Variants in AGFG2 observed in about 807,000 individuals in gnomAD.
The protein encoded by AGFG2 is ArfGAP with FG repeats 2.
A neutral mutation model predicts 48.0 loss-of-function variants in AGFG2; 31 were observed. That is an observed-to-expected ratio of 0.65 (90% CI 0.49 to 0.87). AGFG2 has a LOEUF of 0.87. AGFG2 is among the 40% of genes least tolerant of loss of function. AGFG2 has a pLI of 0.00. For synonymous variants in AGFG2, 229 were observed against 260.8 expected (o/e 0.88, Z 1.18); for missense variants, 599 against 632.6 (o/e 0.95, Z 0.57).
chr7:100,564,151 C>T (rs1800946129), intron 10 of AGFG2, 67 bp from the exon 11 acceptor site: 5 of 1,555,684 alleles, frequency 3.2e-6, no homozygotes, highest in Admixed American at 3.7e-5. Flanking sequence ...TTTAGGAGGG[C>T]CCCCCTTGCT....
chr7:100,540,502 C>T (rs1264269120), intron 1 of AGFG2, among the ~76,000 whole-genome samples: 1 of 152,098 alleles, frequency 6.6e-6, no homozygotes, highest in Non-Finnish European at 1.5e-5. Context: ...AATTTACAGC[C>T]ACAATTCTAG....
chr7:100,556,356 A>G, intron 6 of AGFG2: 2 of 212,122 alleles, frequency 9.4e-6, no homozygotes, highest in South Asian at 1.3e-4. Context: ...AAACTATGTT[A>G]TTTAGCCATT....
chr7:100,542,391 T>G (rs1192076905), intron 1 of AGFG2, among the ~76,000 whole-genome samples: 1 of 152,188 alleles, frequency 6.6e-6, no homozygotes, highest in Non-Finnish European at 1.5e-5. Context: ...GAGAGCATAT[T>G]TTGGTGTTTG....
intron 1 of AGFG2, among the ~76,000 whole-genome samples, chr7:100,542,383 G>C (rs1800438984): frequency 6.6e-6 from 1 of 152,340 alleles, no homozygotes; most frequent in Admixed American, 6.5e-5. Context: ...AGGATTTAGA[G>C]AGCATATTTT....
chr7:100,558,578 G>GT (rs1325078382), intron 6 of AGFG2, among the ~76,000 whole-genome samples: 11 of 144,514 alleles, frequency 7.6e-5, no homozygotes, highest in South Asian at 6.6e-4. Context: ...GTCTCACTCT[G>GT]TCACCCAGGC....
intron 5 of AGFG2, 72 bp downstream of exon 5, chr7:100,554,330 G>A (rs1584386567): frequency 6.6e-7 from 1 of 1,508,536 alleles, no homozygotes; most frequent in East Asian, 2.3e-5. Context: ...AGTCCCTGGA[G>A]GTAACCATGG....
In AGFG2 at chr7:100,565,109, T is replaced by G; in HGVS notation, c.*118T>G. The G allele has an allele frequency of 1.7e-6, 2 of 1,207,322 alleles. No homozygotes were observed. Among genetic ancestry groups the G allele is most frequent in the Non-Finnish European group, 2.4e-6 (2 of 816,648 alleles). 74.8% of individuals were successfully genotyped at this position (1,207,322 alleles called of 1,614,324 possible). ...GCCTTGGGGATGGTGGAGGTGCTAA[T>G]GCTTTGCTTGGGGCCTACAGGTGAA... On this transcript the variant is annotated 3_prime_UTR_variant, in exon 12 of 12. Coordinates refer to ENST00000300176, the MANE Select transcript of AGFG2 (RefSeq NM_006076.5).
chr7:100,564,308 G>C lies in AGFG2; in HGVS notation c.1386+5G>C. On this transcript the variant is annotated splice_donor_5th_base_variant and intron_variant, in intron 11 of 11. Transcript: ENST00000300176. ...ATCTCCACCAACCCCTTCATGGTGA[G>C]TGTGCCAGCAGGGGTGCTGTGGTAG... 6.2e-7 allele frequency: 1 copy of C among 1,612,504 alleles called. No homozygotes were observed. The highest frequency in any genetic ancestry group is 8.5e-7 in the Non-Finnish European group (1 of 1,179,298).
At chr7:100,551,030 T>TCA (rs1554345049) in intron 3 of AGFG2, among the ~76,000 whole-genome samples, 1 of 56,036 alleles carries the variant, frequency 1.8e-5, no homozygotes, top group East Asian at 1.1e-3. Flanking sequence ...CCTGGCTAAT[T>TCA]TATATATATA....
intron 6 of AGFG2, chr7:100,556,635 T>C (rs1221410143): frequency 1.6e-6 from 2 of 1,289,208 alleles, no homozygotes; most frequent in East Asian, 5.5e-5. Context: ...TGGTAAGTTA[T>C]TATCCCCACC....
intron 1 of AGFG2, among the ~76,000 whole-genome samples, chr7:100,542,096 A>AC (rs1268829981): frequency 6.6e-6 from 1 of 151,824 alleles, no homozygotes; most frequent in Non-Finnish European, 1.5e-5. Flanking sequence ...GCTCATTGCA[A>AC]CCCCTGCCTC....
chr7:100,545,137 A>C (rs1394975483), intron 1 of AGFG2, among the ~76,000 whole-genome samples: 1 of 152,176 alleles, frequency 6.6e-6, no homozygotes, highest in Non-Finnish European at 1.5e-5. Flanking sequence ...TATGAATCTG[A>C]ACACAATTGT....
At chr7:100,541,582 C>A (rs1469082449) in intron 1 of AGFG2, among the ~76,000 whole-genome samples, 1 of 151,462 alleles carries the variant, frequency 6.6e-6, no homozygotes, top group African/African-American at 2.4e-5. Context: ...GCCAACATGG[C>A]GAAATCTCAT....
intron 2 of AGFG2, among the ~76,000 whole-genome samples, chr7:100,549,160 G>A (rs540778426): frequency 6.6e-6 from 1 of 152,302 alleles, no homozygotes; most frequent in East Asian, 1.9e-4. Context: ...TGTGGCACCT[G>A]AGCAATGGAG....
intron 1 of AGFG2, among the ~76,000 whole-genome samples, chr7:100,545,479 A>C (rs1800494167): frequency 1.3e-5 from 2 of 152,198 alleles, no homozygotes; most frequent in Admixed American, 6.6e-5. Flanking sequence ...ATAATTCAGA[A>C]TACTTCATAT....
rs1230252112 is a variant in AGFG2 at position 100,562,253 on chromosome 7, G to T, written c.878-6G>T. ...TCTCCCTGTTGTATTTTCCACAACT[G>T]CCCAGGGAGCAGCCAGGGGACTCCA... On this transcript the variant is annotated splice_region_variant and splice_polypyrimidine_tract_variant and intron_variant, in intron 6 of 11. Coordinates refer to ENST00000300176, the MANE Select transcript of AGFG2 (RefSeq NM_006076.5). This position sits in a 1 kb window ranked among gnomAD's most constrained non-coding sequence, Gnocchi z 5.4. 6.2e-7 allele frequency: 1 copy of T among 1,612,970 alleles called. No homozygotes were observed. Among genetic ancestry groups the T allele is most frequent in the Non-Finnish European group, 8.5e-7 (1 of 1,179,474 alleles).
rs116732717 is a variant in AGFG2, at chr7:100,545,462, C to A, written c.222-3360C>A. On this transcript the variant is annotated intron_variant, in intron 1 of 11. Coordinates refer to ENST00000300176, the MANE Select transcript of AGFG2 (RefSeq NM_006076.5). Reference sequence around the variant, plus strand: ...CAGCTACACATACAAGTGGCTTCAGCTGCCAAATAATTCAGAATACTTCAT... The same window carrying A: ...CAGCTACACATACAAGTGGCTTCAGATGCCAAATAATTCAGAATACTTCAT... 7.2e-3 allele frequency among the ~76,000 whole-genome samples: 1,103 copies of A among 152,284 alleles called. 14 individuals are homozygous for A. Among genetic ancestry groups the A allele is most frequent in the African/African-American group, 0.025 (1,044 of 41,538 alleles).
In AGFG2 at chr7:100,567,116, C is replaced by CT. The variant is rs1209364526; in HGVS notation, c.*2126dup. On this transcript the variant is annotated 3_prime_UTR_variant, in exon 12 of 12. Transcript: ENST00000300176. ...CCCTCCAGCCCACAAGGACTCCAGC[C>CT]TGCTGGCTGGTGAGAGCTGGATGAG... 1 of 152,808 alleles carries CT rather than the reference C, an allele frequency of 6.5e-6. No homozygotes were observed. Among genetic ancestry groups the CT allele is most frequent in the Non-Finnish European group, 1.5e-5 (1 of 68,142 alleles). 9.5% of individuals were successfully genotyped at this position (152,808 alleles called of 1,614,324 possible). A position where few individuals can be genotyped will look rare whatever the true frequency, so the allele number is the denominator to read the frequency against.
Position 100,565,085 on chromosome 7 carries a change from C to A in AGFG2, c.*94C>A. On this transcript the variant is annotated 3_prime_UTR_variant, in exon 12 of 12. Coordinates refer to ENST00000300176, the MANE Select transcript of AGFG2 (RefSeq NM_006076.5). Reference sequence around the variant, plus strand: ...ACTTGCCTGTGGGCATTTCTATGGGCCTTGGGGATGGTGGAGGTGCTAATG... The same window carrying A: ...ACTTGCCTGTGGGCATTTCTATGGGACTTGGGGATGGTGGAGGTGCTAATG... The A allele has an allele frequency of 7.2e-7, 1 of 1,390,412 alleles. No individual in the cohort carries two copies. Among genetic ancestry groups the A allele is most frequent in the Non-Finnish European group, 1.0e-6 (1 of 977,664 alleles). The allele number at this position is 1,390,412 out of a possible 1,614,324, so 86.1% of individuals were successfully genotyped here.
Sources: gnomAD v4.1 joint callset for allele counts (sites outside exome capture counted in the v4.1 genomes callset) on GRCh38, gnomAD v4.1.1 for gene constraint, Gnocchi (gnomAD v3.1) non-coding constraint, MANE v1.5 for transcripts, NCBI Gene and HGNC (gene_info 2026-07-23, HGNC 2026-07-21) for gene names.